The following PTPRN2 variants were observed in gnomAD, a reference collection of about 807,000 sequenced individuals.
The protein encoded by PTPRN2 is receptor-type tyrosine-protein phosphatase N2.
A neutral mutation model predicts 118.8 loss-of-function variants in PTPRN2; 74 were observed. That is an observed-to-expected ratio of 0.62 (90% CI 0.52 to 0.76). The LOEUF is 0.76. Among genes scored for constraint, PTPRN2 ranks in the 30% least tolerant of loss-of-function variants. PTPRN2 has a pLI of 0.00. For missense variants in PTPRN2, 1,481 were observed against 1,394.4 expected (o/e 1.06, Z -0.99); for synonymous variants, 641 against 608.0 (o/e 1.05, Z -0.80).
chr7:157,823,801 C>T (rs1214460936), intron 12 of PTPRN2, among the ~76,000 whole-genome samples: 3 of 152,136 alleles, frequency 2.0e-5, no homozygotes, highest in African/African-American at 7.2e-5. Context: ...AGGTTTTGAT[C>T]ACATCAAGCT....
intron 11 of PTPRN2, among the ~76,000 whole-genome samples, chr7:157,959,114 A>G (rs542855025): frequency 6.6e-6 from 1 of 152,364 alleles, no homozygotes; most frequent in South Asian, 2.1e-4. Flanking sequence ...TTGTGCCAAG[A>G]CCATTCAATG....
At chr7:158,511,983 G>C (rs149443155) in intron 1 of PTPRN2, among the ~76,000 whole-genome samples, 117 of 152,220 alleles carry the variant, frequency 7.7e-4, no homozygotes, top group Non-Finnish European at 1.3e-3. Context: ...TAAATGACAT[G>C]CATTTATCAA....
rs111443468 is a variant in PTPRN2 at position 158,403,835 on chromosome 7, A to G, written c.163+85900T>C. 4.7e-3 allele frequency among the ~76,000 whole-genome samples: 716 copies of G among 152,248 alleles called. 8 individuals are homozygous for G. The highest frequency in any genetic ancestry group is 0.017 in the Middle Eastern group (5 of 294). Reference sequence around the variant, plus strand: ...GGGATGATGCACTTTGGAAAAAACCATGATGGCTGGAAAGGGGGAAATGAA... The same window carrying G: ...GGGATGATGCACTTTGGAAAAAACCGTGATGGCTGGAAAGGGGGAAATGAA... On this transcript the variant is annotated intron_variant, in intron 2 of 22. Coordinates refer to ENST00000389418, the MANE Select transcript of PTPRN2 (RefSeq NM_002847.5).
At chr7:158,306,048 C>T (rs973413815) in intron 3 of PTPRN2, among the ~76,000 whole-genome samples, 3 of 152,158 alleles carry the variant, frequency 2.0e-5, no homozygotes, top group African/African-American at 7.2e-5. Context: ...TCTGGTTGTT[C>T]CCTGGAGGAC....
intron 15 of PTPRN2, among the ~76,000 whole-genome samples, chr7:157,612,492 G>C (rs962383947): frequency 6.6e-5 from 10 of 152,226 alleles, no homozygotes; most frequent in Non-Finnish European, 1.5e-4. Flanking sequence ...TTATCACCAG[G>C]ACACAGGGTA....
At position 158,541,671 on chromosome 7, in the gene PTPRN2, G is replaced by C. The variant is rs1181458852; in HGVS notation, c.112+45887C>G. ...TAATTCTACCAAGGTACGAACGTTA[G>C]TTAATCTGTTGAAGACTTAGCTAAG... On this transcript the variant is annotated intron_variant, in intron 1 of 22. Transcript: ENST00000389418. 3 of 1,326,374 alleles carry C rather than the reference G, an allele frequency of 2.3e-6. No individual in the cohort carries two copies. In the African/African-American group the frequency reaches 4.5e-5, roughly 20 times the overall value. 82.2% of individuals were successfully genotyped at this position (1,326,374 alleles called of 1,614,324 possible).
chr7:158,573,413 A>G (rs943738123), intron 1 of PTPRN2, among the ~76,000 whole-genome samples: 3 of 152,224 alleles, frequency 2.0e-5, no homozygotes, highest in Non-Finnish European at 4.4e-5. Context: ...TTTTAAAAAT[A>G]AAGAGTCAGC....
chr7:158,467,570 C>G (rs148812120), intron 2 of PTPRN2, among the ~76,000 whole-genome samples: 1 of 152,220 alleles, frequency 6.6e-6, no homozygotes, highest in East Asian at 1.9e-4. Flanking sequence ...CAGAGTTTTA[C>G]AGTTTCAGAT....
intron 2 of PTPRN2, among the ~76,000 whole-genome samples, chr7:158,480,821 G>C (rs1385994068): frequency 6.6e-6 from 1 of 152,246 alleles, no homozygotes; most frequent in East Asian, 1.9e-4. Flanking sequence ...GCTGAGAGAA[G>C]TGAGGAAGCT....
At chr7:158,462,162 G>A (rs772437906) in intron 2 of PTPRN2, among the ~76,000 whole-genome samples, 2 of 152,162 alleles carry the variant, frequency 1.3e-5, no homozygotes, top group Non-Finnish European at 2.9e-5. Context: ...CCCAACACTC[G>A]CCCTATATCT....
chr7:157,604,019 T>A lies in PTPRN2; in HGVS notation c.2401A>T (p.Ile801Phe), dbSNP rs372450206. ...GCACTTACGATGGGGCTAGCGTTGA[T>A]GTAGTCTGAGTGGCTGTGGCTGTTC... ...AENSHSHSDY[I>F]NASPIMDHDP... The change falls in exon 16 of 23, where the codon ATC becomes TTC. Residue 801 changes from isoleucine (I) to phenylalanine (F), a missense_variant. By Grantham distance (21) the Ile-to-Phe change is conservative (BLOSUM62 0). Coordinates refer to ENST00000389418, the MANE Select transcript of PTPRN2 (RefSeq NM_002847.5). The A allele has an allele frequency of 2.0e-5, 32 of 1,613,822 alleles. No individual in the cohort carries two copies. Among genetic ancestry groups the A allele is most frequent in the Non-Finnish European group, 2.7e-5 (32 of 1,180,014 alleles).
rs1239725272 is a variant in PTPRN2 at position 157,929,068 on chromosome 7, G to A, written c.1724-30331C>T. Among the ~76,000 whole-genome samples, 1 of 152,154 alleles carries A rather than the reference G, an allele frequency of 6.6e-6. No individual in the cohort carries two copies. The highest frequency in any genetic ancestry group is 2.4e-5 in the African/African-American group (1 of 41,422). On this transcript the variant is annotated intron_variant, in intron 11 of 22. Transcript: ENST00000389418. The surrounding 1 kb of genome is among the most constrained non-coding windows in gnomAD (Gnocchi z 4.4). ...AGGCAGGAGAGTGGGGTCCCGGGGT[G>A]CCAGGTGTCTTGCTGAAGGTTGTGA... is the stretch of plus-strand genomic sequence containing the variant.
chr7:157,655,180 A>C (rs1340731837), intron 14 of PTPRN2, among the ~76,000 whole-genome samples: 1 of 152,166 alleles, frequency 6.6e-6, no homozygotes. Context: ...TGCCCTCCTC[A>C]GCTCAGGGAT....
intron 11 of PTPRN2, among the ~76,000 whole-genome samples, chr7:157,970,901 C>A (rs1802287130): frequency 1.3e-5 from 2 of 152,224 alleles, no homozygotes; most frequent in African/African-American, 4.8e-5. Flanking sequence ...TGGCTTGTCC[C>A]TGCACGCACG....
intron 14 of PTPRN2, among the ~76,000 whole-genome samples, chr7:157,643,444 T>C (rs1804828336): frequency 6.6e-6 from 1 of 152,120 alleles, no homozygotes; most frequent in South Asian, 2.1e-4. Context: ...GAAGGGACAC[T>C]CTCTGCCTGT....
At chr7:158,209,367 G>A (rs1015592865) in intron 3 of PTPRN2, among the ~76,000 whole-genome samples, 17 of 152,194 alleles carry the variant, frequency 1.1e-4, no homozygotes, top group Non-Finnish European at 2.4e-4. Context: ...AAGATAATCC[G>A]TGCAAATGGA....
chr7:158,361,584 C>A (rs1808970084), intron 2 of PTPRN2, among the ~76,000 whole-genome samples: 1 of 152,220 alleles, frequency 6.6e-6, no homozygotes, highest in South Asian at 2.1e-4. Flanking sequence ...CCCAAACAGC[C>A]CTCCAGAGAG....
rs1823002661 is a variant in PTPRN2 at position 158,509,205 on chromosome 7, A to G, written c.113-19420T>C. On this transcript the variant is annotated intron_variant, in intron 1 of 22. Coordinates refer to ENST00000389418, the MANE Select transcript of PTPRN2 (RefSeq NM_002847.5). The surrounding 1 kb of genome is among the most constrained non-coding windows in gnomAD (Gnocchi z 4.4). ...CACCCAGCAGGCGGGACCAGTGGAC[A>G]GGCTGCAGCTCACAGGGTCCTTGCT... Among the ~76,000 whole-genome samples, 2 of 152,176 alleles carry G rather than the reference A, an allele frequency of 1.3e-5. No individual in the cohort carries two copies. The highest frequency in any genetic ancestry group is 4.1e-4 in the South Asian group (2 of 4,828).
In PTPRN2 at chr7:157,729,149, T is replaced by G. The variant is rs1318046573; in HGVS notation, c.1789-46212A>C. 1.3e-5 allele frequency among the ~76,000 whole-genome samples: 2 copies of G among 152,208 alleles called. No individual in the cohort carries two copies. Among genetic ancestry groups the G allele is most frequent in the East Asian group, 3.8e-4 (2 of 5,200 alleles). ...CTTTGATATACCCATCTCTGTTTTTTTTTTTGGACAGAATTCCTATTAAAT... is the reference window on the plus strand; with the variant it reads ...CTTTGATATACCCATCTCTGTTTTTGTTTTTGGACAGAATTCCTATTAAAT... On this transcript the variant is annotated intron_variant, in intron 12 of 22. Coordinates refer to ENST00000389418, the MANE Select transcript of PTPRN2 (RefSeq NM_002847.5). The surrounding 1 kb of genome is among the most constrained non-coding windows in gnomAD (Gnocchi z 4.3).
Sources: gnomAD v4.1 joint callset for allele counts (sites outside exome capture counted in the v4.1 genomes callset) on GRCh38, gnomAD v4.1.1 for gene constraint, Gnocchi (gnomAD v3.1) non-coding constraint, MANE v1.5 for transcripts, NCBI Gene and HGNC (gene_info 2026-07-23, HGNC 2026-07-21) for gene names.